Variants in RBMS2 observed in about 807,000 individuals in gnomAD.
RBMS2 encodes RNA-binding motif, single-stranded-interacting protein 2.
RBMS2 carries 38 observed loss-of-function variants against 58.4 expected under a neutral mutation model. The ratio of observed to expected loss-of-function variants is 0.65; its 90% CI spans 0.50 to 0.85. The LOEUF is 0.85. Among genes scored for constraint, RBMS2 ranks in the 40% least tolerant of loss-of-function variants. RBMS2 has a pLI of 0.00. For synonymous variants in RBMS2, 151 were observed against 180.7 expected (o/e 0.84, Z 1.32); for missense variants, 367 against 503.7 (o/e 0.73, Z 2.60).
chr12:56,564,848 C>T (rs753365453), intron 2 of RBMS2, among the ~76,000 whole-genome samples: 17 of 152,052 alleles, frequency 1.1e-4, no homozygotes, highest in Non-Finnish European at 2.9e-5. Flanking sequence ...GTGGTGGGCA[C>T]CTGTAGTCCC....
intron 2 of RBMS2, among the ~76,000 whole-genome samples, chr12:56,568,334 T>C (rs1039830608): frequency 2.0e-5 from 3 of 152,170 alleles, no homozygotes; most frequent in South Asian, 2.1e-4. Context: ...GCTCTGCCTC[T>C]ACACACTCTT....
intron 1 of RBMS2, among the ~76,000 whole-genome samples, chr12:56,560,858 C>T (rs956647109): frequency 2.0e-5 from 3 of 152,038 alleles, no homozygotes; most frequent in African/African-American, 7.3e-5. Flanking sequence ...TATGTTGTCA[C>T]CCAGTTATTA....
intron 2 of RBMS2, among the ~76,000 whole-genome samples, chr12:56,566,586 G>A (rs965222034): frequency 5.3e-5 from 8 of 152,212 alleles, no homozygotes; most frequent in Non-Finnish European, 1.2e-4. Flanking sequence ...GGGAGGCTGA[G>A]GCAGGTGGAT....
chr12:56,520,443 A>G (rs1871627611), upstream of RBMS2, among the ~76,000 whole-genome samples: 1 of 152,214 alleles, frequency 6.6e-6, no homozygotes, highest in South Asian at 2.1e-4. Context: ...CAAAACAGAC[A>G]GGGTTAATTT....
At chr12:56,556,527 C>T (rs1398400982) in intron 1 of RBMS2, among the ~76,000 whole-genome samples, 5 of 151,902 alleles carry the variant, frequency 3.3e-5, no homozygotes, top group African/African-American at 9.7e-5. Flanking sequence ...AAGCACGCAC[C>T]ACCACACCCA....
At chr12:56,541,545 G>A (rs569933946) in intron 1 of RBMS2, among the ~76,000 whole-genome samples, 5 of 152,178 alleles carry the variant, frequency 3.3e-5, no homozygotes, top group East Asian at 3.9e-4. Context: ...TGAGAAATAC[G>A]AAAAAGTTTG....
At chr12:56,577,456 A>AATT (rs138810999) in intron 5 of RBMS2, among the ~76,000 whole-genome samples, 11,137 of 145,654 alleles carry the variant, frequency 0.076, 552 homozygotes, top group East Asian at 0.19. Context: ...GTTCATACAA[A>AATT]ATTATTATTA....
At chr12:56,583,200 C>T (rs74095005) in intron 9 of RBMS2, among the ~76,000 whole-genome samples, 1,601 of 152,200 alleles carry the variant, frequency 0.011, 26 homozygotes, top group African/African-American at 0.035. Flanking sequence ...GGGCTAGAGT[C>T]CCAGGAGGTG....
At chr12:56,577,395 G>T (rs1883287580) in intron 5 of RBMS2, among the ~76,000 whole-genome samples, 1 of 151,434 alleles carries the variant, frequency 6.6e-6, no homozygotes, top group Non-Finnish European at 1.5e-5. Flanking sequence ...TGGACAACAA[G>T]AGCGAAACTC....
At chr12:56,576,976 G>A (rs1420273077) in intron 5 of RBMS2, among the ~76,000 whole-genome samples, 1 of 150,500 alleles carries the variant, frequency 6.6e-6, no homozygotes, top group Non-Finnish European at 1.5e-5. Context: ...GGGAGATGGA[G>A]GTTGCAGTGA....
intron 5 of RBMS2, among the ~76,000 whole-genome samples, chr12:56,575,070 A>T: frequency 6.6e-6 from 1 of 151,544 alleles, no homozygotes; most frequent in African/African-American, 2.4e-5. Context: ...AATGGTGTGA[A>T]CCCGGGAGGC....
intron 1 of RBMS2, among the ~76,000 whole-genome samples, chr12:56,561,215 G>A (rs1475107557): frequency 6.6e-6 from 1 of 152,108 alleles, no homozygotes; most frequent in Non-Finnish European, 1.5e-5. Context: ...GAATAGTGCT[G>A]CAGCGAACAT....
At chr12:56,523,141 TG>T (rs1872045219) in intron 1 of RBMS2, among the ~76,000 whole-genome samples, 1 of 152,168 alleles carries the variant, frequency 6.6e-6, no homozygotes, top group Admixed American at 6.6e-5. Context: ...TGTTGATTTA[TG>T]GGCTTAGTCT....
At chr12:56,523,217 T>C (rs1392940790) in intron 1 of RBMS2, among the ~76,000 whole-genome samples, 1 of 152,128 alleles carries the variant, frequency 6.6e-6, no homozygotes, top group East Asian at 1.9e-4. Context: ...AATGGGGAGC[T>C]ATAGGTCAGA....
At chr12:56,554,327 G>C (rs1697440052) in intron 1 of RBMS2, among the ~76,000 whole-genome samples, 1 of 152,010 alleles carries the variant, frequency 6.6e-6, no homozygotes, top group South Asian at 2.1e-4. Flanking sequence ...AAAAGACATG[G>C]AATCAACCCA....
chr12:56,557,963 C>G (rs1165859595), intron 1 of RBMS2, among the ~76,000 whole-genome samples: 2 of 148,226 alleles, frequency 1.3e-5, no homozygotes, highest in Non-Finnish European at 3.0e-5. Flanking sequence ...GTCTCCAACT[C>G]CCGATCTCAA....
chr12:56,553,966 A>T (rs1878778834), intron 1 of RBMS2, among the ~76,000 whole-genome samples: 1 of 151,640 alleles, frequency 6.6e-6, no homozygotes, highest in African/African-American at 2.4e-5. Flanking sequence ...CTGGGACTAT[A>T]GGCGCATGCC....
At position 56,563,808 on chromosome 12, in the gene RBMS2, T is replaced by C. The variant is rs60936133; in HGVS notation, c.233+1225T>C. ...TAGTAAAAATATATATTAAAAAAAA[T>C]TTTAAAACTGGTCCGTTATCTCAGC... On this transcript the variant is annotated intron_variant, in intron 2 of 13. Coordinates refer to ENST00000262031, the MANE Select transcript of RBMS2 (RefSeq NM_002898.4). 7.1e-3 allele frequency among the ~76,000 whole-genome samples: 1,086 copies of C among 151,908 alleles called. 24 individuals carry two copies. Among genetic ancestry groups the C allele is most frequent in the African/African-American group, 0.025 (1,039 of 41,472 alleles).
intron 5 of RBMS2, among the ~76,000 whole-genome samples, chr12:56,578,224 G>A (rs1208952793): frequency 6.6e-6 from 1 of 152,030 alleles, no homozygotes; most frequent in Non-Finnish European, 1.5e-5. Context: ...CGCCTCCCGG[G>A]TTCAGGCGAT....
Sources: allele counts gnomAD v4.1 joint callset (sites outside exome capture counted in the v4.1 genomes callset), GRCh38; gene constraint gnomAD v4.1.1; transcripts MANE v1.5; gene names NCBI Gene and HGNC (gene_info 2026-07-23, HGNC 2026-07-21).